Variants in STARD13 observed in about 807,000 individuals in gnomAD.
STARD13 encodes the protein stAR-related lipid transfer protein 13.
Under a neutral mutation model 106.4 loss-of-function variants are expected in STARD13, and 62 were observed. The observed-to-expected ratio is 0.58, with a 90% CI of 0.48 to 0.72. The LOEUF (loss-of-function observed/expected upper bound fraction) is 0.72. Ranked by LOEUF, STARD13 falls within the 30% of genes least tolerant of loss-of-function variation. The probability of loss-of-function intolerance (pLI) is 0.00; values close to 1 mark genes in which losing one functional copy is unlikely to be tolerated. For missense variants in STARD13, 1,387 were observed against 1,424.0 expected (o/e 0.97, Z 0.42); for synonymous variants, 565 against 553.0 (o/e 1.02, Z -0.31).
At chr13:33,503,674 C>G in the STARD13 span, among the ~76,000 whole-genome samples, 1 of 152,128 alleles carries the variant, frequency 6.6e-6, no homozygotes. Flanking sequence ...TGTTCAGTTT[C>G]CATGTAGTTG....
At chr13:33,520,930 C>A in the STARD13 span, among the ~76,000 whole-genome samples, 1 of 152,240 alleles carries the variant, frequency 6.6e-6, no homozygotes, top group East Asian at 1.9e-4. Flanking sequence ...TCTTACAAAG[C>A]CTCCAGATAT....
the STARD13 span, among the ~76,000 whole-genome samples, chr13:33,538,034 T>G: frequency 3.1e-4 from 47 of 152,098 alleles, no homozygotes; most frequent in African/African-American, 1.0e-3. Flanking sequence ...CTGTGTTGCT[T>G]CTGATGTTTA....
chr13:33,436,070 T>C, the STARD13 span, among the ~76,000 whole-genome samples: 6 of 152,188 alleles, frequency 3.9e-5, no homozygotes, highest in South Asian at 2.1e-4. Flanking sequence ...CATAACACAA[T>C]GAAGCTGAGA....
At chr13:33,536,316 T>A in the STARD13 span, among the ~76,000 whole-genome samples, 1 of 152,244 alleles carries the variant, frequency 6.6e-6, no homozygotes, top group Non-Finnish European at 1.5e-5. Flanking sequence ...TGTTTTATCA[T>A]CAATAACTGT....
At chr13:33,675,233 T>TC in the STARD13 span, among the ~76,000 whole-genome samples, 16 of 152,202 alleles carry the variant, frequency 1.1e-4, no homozygotes, top group Non-Finnish European at 1.5e-5. Context: ...TTTTCTTCCC[T>TC]CCAGGACAAA....
chr13:33,213,496 C>T (rs1887842851), intron 1 of STARD13, among the ~76,000 whole-genome samples: 1 of 152,200 alleles, frequency 6.6e-6, no homozygotes, highest in African/African-American at 2.4e-5. Context: ...GTCTGATGTT[C>T]CAGAGAGTCT....
intron 4 of STARD13, among the ~76,000 whole-genome samples, chr13:33,135,397 G>A (rs1051858078): frequency 6.6e-6 from 1 of 152,214 alleles, no homozygotes; most frequent in Admixed American, 6.5e-5. Context: ...TTCAAACGGT[G>A]AGTCCTATGA....
At chr13:33,277,180 G>A (rs1488773670) in intron 1 of STARD13, 10 of 152,068 alleles carry the variant, frequency 6.6e-5, no homozygotes, top group African/African-American at 1.2e-4. Flanking sequence ...ACAGTGTGGC[G>A]GCTTGGGCTA....
At chr13:33,480,562 C>A in the STARD13 span, among the ~76,000 whole-genome samples, 1 of 151,832 alleles carries the variant, frequency 6.6e-6, no homozygotes, top group Non-Finnish European at 1.5e-5. Flanking sequence ...TTTTTGAGAA[C>A]CAGGATTATC....
chr13:33,552,603 A>T, the STARD13 span, among the ~76,000 whole-genome samples: 47 of 152,222 alleles, frequency 3.1e-4, no homozygotes, highest in African/African-American at 1.0e-3. Context: ...TGTAAATTAT[A>T]CCTCAAAGCT....
the STARD13 span, among the ~76,000 whole-genome samples, chr13:33,667,000 G>C: frequency 2.0e-5 from 3 of 152,180 alleles, no homozygotes; most frequent in Non-Finnish European, 4.4e-5. Context: ...ATTTACTTCC[G>C]TTAACCACAA....
At chr13:33,284,573 G>T (rs1891961949) in intron 1 of STARD13, among the ~76,000 whole-genome samples, 1 of 151,250 alleles carries the variant, frequency 6.6e-6, no homozygotes, top group Non-Finnish European at 1.5e-5. Context: ...AAAAATTCCT[G>T]GTTAACTTAT....
chr13:33,288,582 T>C (rs894210697), upstream of STARD13, among the ~76,000 whole-genome samples: 4 of 151,972 alleles, frequency 2.6e-5, no homozygotes, highest in Admixed American at 6.5e-5. Context: ...GCCCTACATT[T>C]TTTTTTTTAA....
chr13:33,598,439 T>A, the STARD13 span, among the ~76,000 whole-genome samples: 4 of 152,214 alleles, frequency 2.6e-5, no homozygotes, highest in Non-Finnish European at 2.9e-5. Flanking sequence ...TGACTCTTTT[T>A]AAATTAATCT....
At chr13:33,504,680 A>C in the STARD13 span, among the ~76,000 whole-genome samples, 1 of 152,120 alleles carries the variant, frequency 6.6e-6, no homozygotes, top group Admixed American at 6.6e-5. Flanking sequence ...GGTGCAGCAC[A>C]CCAACATGGC....
intron 8 of STARD13, chr13:33,113,311 C>T: frequency 5.4e-6 from 2 of 367,788 alleles, no homozygotes; most frequent in Middle Eastern, 9.5e-4. Flanking sequence ...TCTTGCCCAT[C>T]CTCCCTGACA....
the STARD13 span, among the ~76,000 whole-genome samples, chr13:33,615,116 C>G: frequency 6.6e-6 from 1 of 152,150 alleles, no homozygotes; most frequent in African/African-American, 2.4e-5. Context: ...GAGGTAGAGT[C>G]AACAGAACTT....
At chr13:33,443,888 C>CAAAAAAAA in the STARD13 span, among the ~76,000 whole-genome samples, 2 of 50,214 alleles carry the variant, frequency 4.0e-5, no homozygotes, top group African/African-American at 6.2e-5. Context: ...GACTCAGTCT[C>CAAAAAAAA]AAAAAAAAAA....
At chr13:33,126,315 AGG>A (rs1877167058) in intron 6 of STARD13, 75 bp from the exon 7 acceptor site, 1 of 1,450,392 alleles carries the variant, frequency 6.9e-7, no homozygotes, top group Admixed American at 1.8e-5. Flanking sequence ...AGCAAGCATG[AGG>A]GAAGCCAGGC....
Sources: gnomAD v4.1 joint callset for allele counts (sites outside exome capture counted in the v4.1 genomes callset) on GRCh38, gnomAD v4.1.1 for gene constraint, MANE v1.5 for transcripts, NCBI Gene and HGNC (gene_info 2026-07-23, HGNC 2026-07-21) for gene names.